Variants in PTPN14 observed in about 807,000 individuals in gnomAD.
PTPN14 encodes the protein tyrosine-protein phosphatase non-receptor type 14.
PTPN14 carries 53 observed loss-of-function variants against 126.8 expected under a neutral mutation model. The observed-to-expected ratio is 0.42, with a 90% confidence interval of 0.34 to 0.53. The LOEUF (loss-of-function observed/expected upper bound fraction) is 0.53, where lower values mean the gene tolerates loss of function less well. Among genes scored for constraint, PTPN14 ranks in the 20% least tolerant of loss-of-function variants. The probability of loss-of-function intolerance (pLI) is 0.08; values close to 1 mark genes in which losing one functional copy is unlikely to be tolerated. For synonymous variants in PTPN14, 630 were observed against 599.3 expected (o/e 1.05, Z -0.75); for missense variants, 1,257 against 1,552.9 (o/e 0.81, Z 3.20).
intron 17 of PTPN14, among the ~76,000 whole-genome samples, chr1:214,367,577 A>C (rs1658111772): frequency 6.6e-6 from 1 of 152,220 alleles, no homozygotes. Flanking sequence ...CATCTGGATC[A>C]TGGTCCCTCC....
At chr1:214,404,635 C>T (rs1054917279) in intron 5 of PTPN14, among the ~76,000 whole-genome samples, 4 of 152,142 alleles carry the variant, frequency 2.6e-5, no homozygotes, top group Non-Finnish European at 1.5e-5. Context: ...TCAACTTAAC[C>T]GCCTCCATCT....
In PTPN14 at chr1:214,414,655, A is replaced by G. The variant is rs1308653307; in HGVS notation, c.416T>C (p.Ile139Thr). ...GRLRCTLDQV[I>T]RLAGLAVQAD... ...TTGCACAGCTAGGCCGGCTAGCCGAATCACCTGGTCCAATGTACATCGTAA... is the reference window on the plus strand; with the variant it reads ...TTGCACAGCTAGGCCGGCTAGCCGAGTCACCTGGTCCAATGTACATCGTAA... Residue 139 changes from isoleucine (I) to threonine (T), a missense_variant, in exon 4 of 19, where the codon ATT becomes ACT. By Grantham distance (89) the Ile-to-Thr change is moderately conservative. Coordinates refer to ENST00000366956, the MANE Select transcript of PTPN14 (RefSeq NM_005401.5). 1.2e-6 allele frequency: 2 copies of G among 1,614,088 alleles called. No individual in the cohort carries two copies. The highest frequency in any genetic ancestry group is 1.7e-5 in the Admixed American group (1 of 60,022).
intron 6 of PTPN14, 137 bp downstream of exon 6, chr1:214,402,746 A>G: frequency 1.1e-6 from 1 of 908,056 alleles, no homozygotes; most frequent in South Asian, 1.8e-5. Flanking sequence ...GGAAGTACAG[A>G]GCTGAGTCAC....
At chr1:214,544,452 C>T (rs536381118) in intron 1 of PTPN14, among the ~76,000 whole-genome samples, 12 of 150,288 alleles carry the variant, frequency 8.0e-5, no homozygotes, top group Middle Eastern at 3.6e-3. Context: ...AAGAAAAGAA[C>T]GAGAAAGAAA....
At chr1:214,536,958 C>T (rs1200185266) in intron 1 of PTPN14, among the ~76,000 whole-genome samples, 1 of 152,082 alleles carries the variant, frequency 6.6e-6, no homozygotes, top group Non-Finnish European at 1.5e-5. Context: ...ATTTTTTAAA[C>T]ATGTTGGTAC....
At chr1:214,534,513 A>C (rs1468378129) in intron 1 of PTPN14, among the ~76,000 whole-genome samples, 2 of 151,948 alleles carry the variant, frequency 1.3e-5, no homozygotes, top group Non-Finnish European at 2.9e-5. Flanking sequence ...GGAGATCGAG[A>C]CCATCCTGGC....
At chr1:214,403,746 G>C (rs1340914421) in intron 5 of PTPN14, among the ~76,000 whole-genome samples, 1 of 152,234 alleles carries the variant, frequency 6.6e-6, no homozygotes, top group Non-Finnish European at 1.5e-5. Context: ...AAAATAAGCA[G>C]ACCGAAGCAA....
chr1:214,390,355 G>T (rs528872059), intron 11 of PTPN14, among the ~76,000 whole-genome samples: 1 of 152,194 alleles, frequency 6.6e-6, no homozygotes, highest in Non-Finnish European at 1.5e-5. Flanking sequence ...TTATTCACAT[G>T]ATGAGGAGAG....
chr1:214,450,166 G>A (rs1660242266), intron 3 of PTPN14, among the ~76,000 whole-genome samples: 1 of 68,232 alleles, frequency 1.5e-5, no homozygotes, highest in South Asian at 4.4e-4. Context: ...ATAAATAAAA[G>A]CCAAATTAAA....
intron 5 of PTPN14, among the ~76,000 whole-genome samples, chr1:214,408,247 C>G (rs1485567108): frequency 1.3e-5 from 2 of 152,124 alleles, no homozygotes; most frequent in African/African-American, 4.8e-5. Context: ...GGTGTTAGTC[C>G]CCCAGGTCAG....
rs908133790 is a variant in PTPN14 at position 214,369,333 on chromosome 1, T to C, written c.3271+124A>G. 1.5e-5 allele frequency: 12 copies of C among 815,844 alleles called. No individual in the cohort carries two copies. In the Middle Eastern group the frequency reaches 2.1e-3, roughly 142 times the overall value. The allele number at this position is 815,844 out of a possible 1,614,324, so 50.5% of individuals were successfully genotyped here. The stretch of plus-strand genomic sequence containing the variant: ...AGTAAGAAAGGAATATATATTTCAA[T>C]ATTATAATACTTTTGCCACTTAAGA... On this transcript the variant is annotated intron_variant, in intron 17 of 18. Transcript: ENST00000366956.
intron 7 of PTPN14, among the ~76,000 whole-genome samples, chr1:214,399,125 T>G (rs549221951): frequency 2.6e-5 from 4 of 152,326 alleles, no homozygotes; most frequent in African/African-American, 7.2e-5. Context: ...AACGCATATG[T>G]TAACTGGTTT....
chr1:214,424,186 C>G (rs1459926172), intron 3 of PTPN14, among the ~76,000 whole-genome samples: 2 of 151,408 alleles, frequency 1.3e-5, no homozygotes, highest in South Asian at 2.1e-4. Flanking sequence ...ATCCCAGCTA[C>G]TCAGGAGGCT....
At chr1:214,426,032 C>CAAAAAAAAAAAA (rs66656875) in intron 3 of PTPN14, among the ~76,000 whole-genome samples, 49 of 33,880 alleles carry the variant, frequency 1.4e-3, no homozygotes, top group Admixed American at 2.1e-3. Context: ...GCATAAATCG[C>CAAAAAAAAAAAA]AAAAAAAAAA....
At chr1:214,471,037 AAAC>A (rs1269177728) in intron 1 of PTPN14, among the ~76,000 whole-genome samples, 5 of 146,556 alleles carry the variant, frequency 3.4e-5, no homozygotes, top group African/African-American at 9.9e-5. Context: ...AAAAAAAAAA[AAAC>A]AAAACAAAAA....
intron 1 of PTPN14, among the ~76,000 whole-genome samples, chr1:214,473,407 C>T (rs1230470320): frequency 6.6e-6 from 1 of 152,234 alleles, no homozygotes; most frequent in African/African-American, 2.4e-5. Context: ...GGTCACCGCA[C>T]TTTCTTTTTA....
intron 4 of PTPN14, among the ~76,000 whole-genome samples, chr1:214,412,939 A>G (rs1659342108): frequency 6.6e-6 from 1 of 152,216 alleles, no homozygotes; most frequent in South Asian, 2.1e-4. Context: ...AATTGATCAT[A>G]GCCCACTGCA....
chr1:214,478,497 T>C (rs576697584), intron 1 of PTPN14, among the ~76,000 whole-genome samples: 5 of 152,238 alleles, frequency 3.3e-5, no homozygotes, highest in East Asian at 1.9e-4. Flanking sequence ...AGAAGAAACA[T>C]CTACTTTCTC....
At chr1:214,516,644 C>T (rs189716817) in intron 1 of PTPN14, among the ~76,000 whole-genome samples, 2 of 152,186 alleles carry the variant, frequency 1.3e-5, no homozygotes, top group South Asian at 2.1e-4. Flanking sequence ...CGCAGCAATA[C>T]ATAGTATTAC....
Sources: allele counts gnomAD v4.1 joint callset (sites outside exome capture counted in the v4.1 genomes callset), GRCh38; gene constraint gnomAD v4.1.1; transcripts MANE v1.5; gene names NCBI Gene and HGNC (gene_info 2026-07-23, HGNC 2026-07-21).